The following OR6C4 variants were observed in gnomAD, a reference collection of about 807,000 sequenced individuals.
OR6C4 encodes olfactory receptor 6C4.
A neutral mutation model predicts 15.1 loss-of-function variants in OR6C4; 20 were observed. The ratio of observed to expected loss-of-function variants is 1.32; its 90% CI spans 0.93 to 1.92. The LOEUF (loss-of-function observed/expected upper bound fraction) is 1.92. OR6C4 is among the 30% of genes most tolerant of loss of function. The pLI is 0.00. For synonymous variants in OR6C4, 179 were observed against 134.2 expected (o/e 1.33, Z -2.31); for missense variants, 491 against 363.2 (o/e 1.35, Z -2.86).
chr12:55,552,059 C>A lies in OR6C4; in HGVS notation c.833C>A (p.Ser278Ter), dbSNP rs1471148714. 1.2e-6 allele frequency: 2 copies of A among 1,613,154 alleles called. No homozygotes were observed. Among genetic ancestry groups the A allele is most frequent in the East Asian group, 2.2e-5 (1 of 44,842 alleles). ...AAAGGAATAGCTGTACTCATTACTT[C>A]GGTTACTCCCTTACTGAATCCCTTC... ...FNKGIAVLIT[S>*]VTPLLNPFIY... is the part of the protein sequence containing the mutation. The change falls in exon 2 of 2, where the codon TCG becomes TAG. Residue 278 changes from serine to a stop codon, truncating the protein, a stop_gained. Transcript: ENST00000641569. LOFTEE classifies it high-confidence loss of function.
In OR6C4 at chr12:55,554,445, A is replaced by C. The variant is rs1050610886; in HGVS notation, c.*2289A>C. ...AAAAAAAGCAAGTCATATTCTTCTA[A>C]AGCTGTTCATCTAGTCTGGCTGTAT... On this transcript the variant is annotated 3_prime_UTR_variant, in exon 2 of 2. Transcript: ENST00000641569. The C allele has an allele frequency of 6.6e-6, 1 of 152,190 alleles. No homozygotes were observed. Among genetic ancestry groups the C allele is most frequent in the African/African-American group, 2.4e-5 (1 of 41,460 alleles). The allele number at this position is 152,190 out of a possible 1,614,324, so 9.4% of individuals were successfully genotyped here.
Position 55,551,095 on chromosome 12 carries a change from G to C in OR6C4, c.-18-114G>C, listed in dbSNP as rs1039288146. The stretch of plus-strand genomic sequence containing the variant: ...GTGCACCCCAATGGGACACTGGTTT[G>C]GGCCATATGGATGGTGAGCAATGTA... On this transcript the variant is annotated intron_variant, in intron 1 of 1. Coordinates refer to ENST00000641569, the MANE Select transcript of OR6C4 (RefSeq NM_001005494.2). 3 of 674,584 alleles carry C rather than the reference G, an allele frequency of 4.4e-6. No individual in the cohort carries two copies. In the South Asian group the frequency reaches 5.7e-5, roughly 13 times the overall value. 41.8% of individuals were successfully genotyped at this position (674,584 alleles called of 1,614,324 possible).
Position 55,551,377 on chromosome 12 carries a change from C to G in OR6C4, c.151C>G (p.Pro51Ala), listed in dbSNP as rs1873853234. 2 of 1,613,778 alleles carry G rather than the reference C, an allele frequency of 1.2e-6. No homozygotes were observed. The highest frequency in any genetic ancestry group is 8.5e-7 in the Non-Finnish European group (1 of 1,179,822). ...TATTATCACCCTCACCTTACTAGAC[C>G]CCCACCTCCAGACCCCCATGTATTT... ...LTIITLTLLD[P>A]HLQTPMYFFL... The change falls in exon 2 of 2, where the codon CCC becomes GCC. Residue 51 changes from proline to alanine, a missense_variant. Transcript: ENST00000641569.
At position 55,554,569 on chromosome 12, in the gene OR6C4, T is replaced by A. The variant is rs961618844; in HGVS notation, c.*2413T>A. 7.2e-5 allele frequency: 11 copies of A among 152,180 alleles called. No individual in the cohort carries two copies. The highest frequency in any genetic ancestry group is 5.9e-4 in the Admixed American group (9 of 15,278). 9.4% of individuals were successfully genotyped at this position (152,180 alleles called of 1,614,324 possible). On this transcript the variant is annotated 3_prime_UTR_variant, in exon 2 of 2. Coordinates refer to ENST00000641569, the MANE Select transcript of OR6C4 (RefSeq NM_001005494.2). ...GCTACCAGAATATTCAGTATCTAAA[T>A]ATATAAAATGGTGAGTTTGATTCCT... is the stretch of plus-strand genomic sequence containing the variant.
At chr12:55,551,117 T>C in intron 1 of OR6C4, 92 bp from the exon 2 acceptor site, 5 of 799,526 alleles carry the variant, frequency 6.3e-6, no homozygotes, top group East Asian at 2.6e-5. Flanking sequence ...TGGTGAGCAA[T>C]GTATGACCTG....
Position 55,551,909 on chromosome 12 carries a change from C to T in OR6C4, c.683C>T (p.Ser228Phe). The change falls in exon 2 of 2, where the codon TCT (serine) becomes TTT (phenylalanine). Residue 228 changes from serine to phenylalanine, a missense_variant. Coordinates refer to ENST00000641569, the MANE Select transcript of OR6C4 (RefSeq NM_001005494.2). Reference sequence around the variant, plus strand: ...ATCAGGACTATTCTGAGGATCCCTTCTGCCCAGCAAAGGACAAAGGCCTTT... The same window carrying T: ...ATCAGGACTATTCTGAGGATCCCTTTTGCCCAGCAAAGGACAAAGGCCTTT... The part of the protein sequence containing the change: ...YIIRTILRIP[S>F]AQQRTKAFST... 1 of 1,613,828 alleles carries T rather than the reference C, an allele frequency of 6.2e-7. No individual in the cohort carries two copies. Among genetic ancestry groups the T allele is most frequent in the Non-Finnish European group, 8.5e-7 (1 of 1,179,884 alleles).
rs1345731976 is a variant in OR6C4 at position 55,554,795 on chromosome 12, G to A, written c.*2639G>A. 6.6e-6 allele frequency: 1 copy of A among 152,076 alleles called. No homozygotes were observed. The highest frequency in any genetic ancestry group is 1.5e-5 in the Non-Finnish European group (1 of 68,006). 9.4% of individuals were successfully genotyped at this position (152,076 alleles called of 1,614,324 possible). A position where few individuals can be genotyped will look rare whatever the true frequency, so the allele number is the denominator to read the frequency against. On this transcript the variant is annotated 3_prime_UTR_variant, in exon 2 of 2. Transcript: ENST00000641569. The stretch of plus-strand genomic sequence containing the variant: ...ATATATGGATTACAATTCTAAACAG[G>A]TAGTCTTCCAGCATCATTTCTTGCA...
At position 55,551,793 on chromosome 12, in the gene OR6C4, C is replaced by T; in HGVS notation, c.567C>T (p.Asp189=). 1 of 1,612,084 alleles carries T rather than the reference C, an allele frequency of 6.2e-7. No individual in the cohort carries two copies. The highest frequency in any genetic ancestry group is 8.5e-7 in the Non-Finnish European group (1 of 1,179,908). ...CTCTCGTGGAGCTTGCCTGCTCAGA[C>T]ACAAGCCTCTTAGAACTGATGGTCA... is the stretch of plus-strand genomic sequence containing the variant. ...YGPLVELACS[D]TSLLELMVIL... The change falls in exon 2 of 2, where the codon GAC becomes GAT. Residue 189 remains aspartate (D), a synonymous_variant. Coordinates refer to ENST00000641569, the MANE Select transcript of OR6C4 (RefSeq NM_001005494.2).
In OR6C4 at chr12:55,552,300, G is replaced by A. The variant is rs1873897024; in HGVS notation, c.*144G>A. 7.5e-5 allele frequency: 39 copies of A among 521,872 alleles called. No individual in the cohort carries two copies. Among genetic ancestry groups the A allele is most frequent in the South Asian group, 1.9e-4 (6 of 31,110 alleles). The allele number at this position is 521,872 out of a possible 1,614,324, so 32.3% of individuals were successfully genotyped here. On this transcript the variant is annotated 3_prime_UTR_variant, in exon 2 of 2. Transcript: ENST00000641569. ...CAAGAAAACTATAGTCTAGAATCAA[G>A]GAAAGATATATAAATGGTAAATTTA...
Position 55,551,407 on chromosome 12 carries a change from C to T in OR6C4, c.181C>T (p.Leu61Phe), listed in dbSNP as rs746017570. The T allele has an allele frequency of 3.1e-6, 5 of 1,613,926 alleles. No homozygotes were observed. In the African/African-American group the frequency reaches 4.0e-5, roughly 13 times the overall value. Reference protein sequence around the residue: ...PHLQTPMYFFLRNFSFLEISF... With the variant: ...PHLQTPMYFFFRNFSFLEISF... Reference sequence around the variant, plus strand: ...CCTCCAGACCCCCATGTATTTCTTCCTCCGGAATTTCTCCTTCTTAGAAAT... The same window carrying T: ...CCTCCAGACCCCCATGTATTTCTTCTTCCGGAATTTCTCCTTCTTAGAAAT... The change falls in exon 2 of 2, where the codon CTC becomes TTC. Residue 61 changes from leucine (L) to phenylalanine (F), a missense_variant. Transcript: ENST00000641569.
rs759821061 is a variant in OR6C4 at position 55,551,767 on chromosome 12, C to T, written c.541C>T (p.Pro181Ser). The change falls in exon 2 of 2, where the codon CCT (proline) becomes TCT (serine). Residue 181 changes from proline (P) to serine (S), a missense_variant. Transcript: ENST00000641569. ...ILNHYYCDYG[P>S]LVELACSDTS... ...GAATCACTATTACTGTGACTATGGG[C>T]CTCTCGTGGAGCTTGCCTGCTCAGA... The T allele has an allele frequency of 6.2e-7, 1 of 1,613,560 alleles. No homozygotes were observed. Among genetic ancestry groups the T allele is most frequent in the South Asian group, 1.1e-5 (1 of 91,068 alleles).
At chr12:55,550,193 A>C (rs1189227253) in intron 1 of OR6C4, 75 bp downstream of exon 1, 2 of 152,180 alleles carry the variant, frequency 1.3e-5, no homozygotes, top group East Asian at 1.9e-4. Flanking sequence ...ACCTGTATGG[A>C]AAGTTGACAA....
chr12:55,551,464 C>G lies in OR6C4; in HGVS notation c.238C>G (p.Leu80Val). The part of the protein sequence containing the change: ...SFTSIFIPRF[L>V]TSMTTGNKVI... ...CACATCCATTTTTATTCCCAGATTT[C>G]TGACCAGCATGACAACAGGAAATAA... Residue 80 changes from leucine (L) to valine (V), a missense_variant, in exon 2 of 2, where the codon CTG (leucine) becomes GTG (valine). Coordinates refer to ENST00000641569, the MANE Select transcript of OR6C4 (RefSeq NM_001005494.2). The G allele has an allele frequency of 6.2e-7, 1 of 1,613,924 alleles. No individual in the cohort carries two copies. The highest frequency in any genetic ancestry group is 8.5e-7 in the Non-Finnish European group (1 of 1,179,924).
rs767684453 is a variant in OR6C4 at position 55,551,549 on chromosome 12, C to T, written c.323C>T (p.Thr108Ile). 7 of 1,613,770 alleles carry T rather than the reference C, an allele frequency of 4.3e-6. No homozygotes were observed. The highest frequency in any genetic ancestry group is 4.0e-5 in the African/African-American group (3 of 74,902). ...QYFFAIFLGA[T>I]EFYLLASMSY... ...TTTTTTGCTATATTTCTTGGAGCTA[C>T]CGAGTTTTACCTCCTGGCCTCCATG... The change falls in exon 2 of 2, where the codon ACC becomes ATC. Residue 108 changes from threonine (T) to isoleucine (I), a missense_variant. Transcript: ENST00000641569.
rs971986246 is a variant in OR6C4 at position 55,553,278 on chromosome 12, A to G, written c.*1122A>G. ...TTTGAATAGGTAGTGGTAGTGTCCAATTTCAATGGAAGTAAGCACTTTTTT... is the reference window on the plus strand; with the variant it reads ...TTTGAATAGGTAGTGGTAGTGTCCAGTTTCAATGGAAGTAAGCACTTTTTT... On this transcript the variant is annotated 3_prime_UTR_variant, in exon 2 of 2. Transcript: ENST00000641569. The G allele has an allele frequency of 6.6e-6, 1 of 152,170 alleles. No individual in the cohort carries two copies. The highest frequency in any genetic ancestry group is 1.5e-5 in the Non-Finnish European group (1 of 68,008). 9.4% of individuals were successfully genotyped at this position (152,170 alleles called of 1,614,324 possible).
intron 1 of OR6C4, 47 bp from the exon 2 acceptor site, chr12:55,551,162 C>T (rs1592335939): frequency 1.7e-6 from 2 of 1,165,400 alleles, no homozygotes; most frequent in East Asian, 4.7e-5. Flanking sequence ...ATGTCTCCTA[C>T]TCTAAGAAAC....
chr12:55,551,767 C>A lies in OR6C4; in HGVS notation c.541C>A (p.Pro181Thr). Reference sequence around the variant, plus strand: ...GAATCACTATTACTGTGACTATGGGCCTCTCGTGGAGCTTGCCTGCTCAGA... The same window carrying A: ...GAATCACTATTACTGTGACTATGGGACTCTCGTGGAGCTTGCCTGCTCAGA... ...ILNHYYCDYGPLVELACSDTS... is the reference protein window; with the variant it reads ...ILNHYYCDYGTLVELACSDTS... The change falls in exon 2 of 2, where the codon CCT becomes ACT. Residue 181 changes from proline (P) to threonine (T), a missense_variant. By Grantham distance (38) the Pro-to-Thr change is conservative. Coordinates refer to ENST00000641569, the MANE Select transcript of OR6C4 (RefSeq NM_001005494.2). 6.2e-7 allele frequency: 1 copy of A among 1,613,560 alleles called. No individual in the cohort carries two copies.
rs1024889011 is a variant in OR6C4 at position 55,549,643 on chromosome 12, CT to C, written c.-493del. 1.3e-5 allele frequency: 2 copies of C among 152,176 alleles called. No homozygotes were observed. The highest frequency in any genetic ancestry group is 4.8e-5 in the African/African-American group (2 of 41,456). The allele number at this position is 152,176 out of a possible 1,614,324, so 9.4% of individuals were successfully genotyped here. ...CCATCTAAGAACTTCAACATAATCT[CT>C]CTTAGAACATAAATTTTCAGAAATT... On this transcript the variant is annotated 5_prime_UTR_variant, in exon 1 of 2. Coordinates refer to ENST00000641569, the MANE Select transcript of OR6C4 (RefSeq NM_001005494.2).
rs918750381 is a variant in OR6C4 at position 55,554,097 on chromosome 12, A to C, written c.*1941A>C. Reference sequence around the variant, plus strand: ...GCCATTGTACTTGAAATCCATCTGCACAAGGCCAGCATATTTCTACTCTCC... The same window carrying C: ...GCCATTGTACTTGAAATCCATCTGCCCAAGGCCAGCATATTTCTACTCTCC... On this transcript the variant is annotated 3_prime_UTR_variant, in exon 2 of 2. Transcript: ENST00000641569. The C allele has an allele frequency of 1.3e-5, 2 of 152,190 alleles. No homozygotes were observed. Among genetic ancestry groups the C allele is most frequent in the Non-Finnish European group, 2.9e-5 (2 of 68,028 alleles). The allele number at this position is 152,190 out of a possible 1,614,324, so 9.4% of individuals were successfully genotyped here.
Sources: gnomAD v4.1 joint callset for allele counts on GRCh38, gnomAD v4.1.1 for gene constraint, MANE v1.5 for transcripts, NCBI Gene and HGNC (gene_info 2026-07-23, HGNC 2026-07-21) for gene names.